SLC36A1: variants seen among roughly 807,000 people sequenced by gnomAD.
SLC36A1 encodes solute carrier family 36 member 1, also known as proton-coupled amino acid transporter 1.
A neutral mutation model predicts 47.5 loss-of-function variants in SLC36A1; 30 were observed. The observed-to-expected ratio is 0.63, with a 90% CI of 0.47 to 0.86. The LOEUF is 0.86. SLC36A1 is among the 40% of genes least tolerant of loss of function. The pLI, the probability that SLC36A1 is intolerant of heterozygous loss-of-function variation, is 0.00. For missense variants in SLC36A1, 517 were observed against 606.0 expected, an observed-to-expected ratio of 0.85 and a Z score of 1.54; for synonymous variants, 255 against 249.7, an observed-to-expected ratio of 1.02 and a Z score of -0.20.
At chr5:151,485,335 G>A (rs543699724) in intron 10 of SLC36A1, among the ~76,000 whole-genome samples, 33 of 152,312 alleles carry the variant, frequency 2.2e-4, no homozygotes, top group African/African-American at 6.3e-4. Flanking sequence ...CTGTGGCAGA[G>A]GTGGATCTGA....
chr5:151,376,853 G>A, the SLC36A1 span, among the ~76,000 whole-genome samples: 1 of 152,030 alleles, frequency 6.6e-6, no homozygotes, highest in Non-Finnish European at 1.5e-5. Flanking sequence ...GGCTGGTCTC[G>A]AACTCCTGAC....
the SLC36A1 span, among the ~76,000 whole-genome samples, chr5:151,555,741 C>G: frequency 1.3e-5 from 2 of 152,262 alleles, no homozygotes; most frequent in African/African-American, 4.8e-5. Flanking sequence ...AAATTTGTTT[C>G]CTGCTGAGGA....
chr5:151,441,361 T>C (rs1363669450), intron 1 of SLC36A1, among the ~76,000 whole-genome samples: 1 of 152,314 alleles, frequency 6.6e-6, no homozygotes, highest in East Asian at 1.9e-4. Flanking sequence ...GTATGTGCTA[T>C]AAACAAGAGG....
At chr5:151,425,644 G>A in the SLC36A1 span, among the ~76,000 whole-genome samples, 1 of 152,132 alleles carries the variant, frequency 6.6e-6, no homozygotes, top group South Asian at 2.1e-4. Context: ...GTAAATGACT[G>A]AAACAAAAAT....
the SLC36A1 span, chr5:151,551,725 T>C: frequency 1.0e-6 from 1 of 961,770 alleles, no homozygotes; most frequent in Non-Finnish European, 1.5e-6. Flanking sequence ...GTACAAGATC[T>C]GAGTGACAGG....
the SLC36A1 span, chr5:151,506,086 C>T: frequency 4.0e-6 from 6 of 1,518,282 alleles, no homozygotes; most frequent in East Asian, 4.5e-5. Flanking sequence ...ACCATGGCTC[C>T]GCCAGGGTAC....
intron 9 of SLC36A1, among the ~76,000 whole-genome samples, chr5:151,478,050 T>A (rs1758315636): frequency 6.6e-6 from 1 of 152,192 alleles, no homozygotes; most frequent in South Asian, 2.1e-4. Context: ...ACCAGATGAT[T>A]TTTCCCAAGA....
the SLC36A1 span, among the ~76,000 whole-genome samples, chr5:151,427,360 G>A: frequency 6.6e-6 from 1 of 152,150 alleles, no homozygotes; most frequent in South Asian, 2.1e-4. Flanking sequence ...GAGAGACATC[G>A]GCAAATTACC....
intron 10 of SLC36A1, among the ~76,000 whole-genome samples, chr5:151,481,340 C>G (rs1241369795): frequency 6.6e-6 from 1 of 152,210 alleles, no homozygotes; most frequent in African/African-American, 2.4e-5. Context: ...ACTCGCCTCT[C>G]TCACCTTCCT....
the SLC36A1 span, chr5:151,545,553 G>A: frequency 6.2e-7 from 1 of 1,614,010 alleles, no homozygotes; most frequent in East Asian, 2.2e-5. Flanking sequence ...CATGAATGAT[G>A]ACTTGGGCAG....
chr5:151,501,614 A>C, the SLC36A1 span, among the ~76,000 whole-genome samples: 2 of 148,066 alleles, frequency 1.4e-5, no homozygotes, highest in Non-Finnish European at 2.9e-5. Context: ...GCCACCATTT[A>C]TTGTTTATGC....
the SLC36A1 span, chr5:151,554,426 T>G: frequency 2.5e-6 from 4 of 1,614,168 alleles, no homozygotes; most frequent in Non-Finnish European, 3.4e-6. Flanking sequence ...TGTGACCAGG[T>G]CGATACTGAA....
chr5:151,403,525 G>A, the SLC36A1 span, among the ~76,000 whole-genome samples: 1 of 152,160 alleles, frequency 6.6e-6, no homozygotes, highest in African/African-American at 2.4e-5. Flanking sequence ...GCCTGCTCCA[G>A]CTTTGTCTTC....
chr5:151,479,341 G>T lies in SLC36A1; in HGVS notation c.1011G>T (p.Leu337=), dbSNP rs774157506. The part of the protein sequence containing the change: ...PNCWLYQSVK[L]LYSIGIFFTY... Reference sequence around the variant, plus strand: ...GCAGGTTGTACCAGTCAGTTAAGCTGCTGTACTCCATCGGGATCTTTTTCA... The same window carrying T: ...GCAGGTTGTACCAGTCAGTTAAGCTTCTGTACTCCATCGGGATCTTTTTCA... Residue 337 remains leucine (L), a synonymous_variant, in exon 10 of 11, where the codon CTG becomes CTT. Coordinates refer to ENST00000243389, the MANE Select transcript of SLC36A1 (RefSeq NM_078483.4). 2 of 1,614,046 alleles carry T rather than the reference G, an allele frequency of 1.2e-6. No homozygotes were observed. Among genetic ancestry groups the T allele is most frequent in the Non-Finnish European group, 1.7e-6 (2 of 1,180,020 alleles).
chr5:151,545,563 G>T, the SLC36A1 span: 5 of 1,614,132 alleles, frequency 3.1e-6, no homozygotes, highest in Admixed American at 3.3e-5. Flanking sequence ...GACTTGGGCA[G>T]GTCTGGGTGC....
chr5:151,430,735 C>A, the SLC36A1 span, among the ~76,000 whole-genome samples: 7,265 of 152,224 alleles, frequency 0.048, 554 homozygotes, highest in African/African-American at 0.17. Flanking sequence ...ACCATTGTTA[C>A]TATTCTGCTG....
At chr5:151,511,932 T>A in the SLC36A1 span, 2 of 558,646 alleles carry the variant, frequency 3.6e-6, no homozygotes, top group Non-Finnish European at 6.4e-6. Flanking sequence ...TCCCCATTCA[T>A]ATCCTCCCTC....
the SLC36A1 span, chr5:151,525,847 C>T: frequency 5.6e-6 from 9 of 1,613,924 alleles, no homozygotes; most frequent in Non-Finnish European, 7.6e-6. Context: ...CGGGGTCACT[C>T]GGAAGGCAGA....
chr5:151,377,556 C>A, the SLC36A1 span, among the ~76,000 whole-genome samples: 1 of 151,500 alleles, frequency 6.6e-6, no homozygotes, highest in East Asian at 1.9e-4. Context: ...ACCGTGTTAG[C>A]CAGGATGGTC....
Sources: allele counts gnomAD v4.1 joint callset (sites outside exome capture counted in the v4.1 genomes callset), GRCh38; gene constraint gnomAD v4.1.1; transcripts MANE v1.5; gene names NCBI Gene and HGNC (gene_info 2026-07-23, HGNC 2026-07-21).